Variants in IRS1 observed in about 807,000 individuals in gnomAD.
The protein encoded by IRS1 is insulin receptor substrate 1.
IRS1 carries 34 observed loss-of-function variants against 65.6 expected under a neutral mutation model. The observed-to-expected ratio is 0.52, with a 90% confidence interval of 0.39 to 0.69. IRS1 has a LOEUF of 0.69. IRS1 is among the 30% of genes least tolerant of loss of function. IRS1 has a pLI of 0.00. For missense variants in IRS1, 1,641 were observed against 1,720.2 expected (o/e 0.95, Z 0.81); for synonymous variants, 699 against 683.5 (o/e 1.02, Z -0.35).
chr2:226,767,188 T>C (rs1377432511), intron 1 of IRS1, among the ~76,000 whole-genome samples: 2 of 152,230 alleles, frequency 1.3e-5, no homozygotes, highest in Non-Finnish European at 2.9e-5. Flanking sequence ...AATGAACTAA[T>C]ACTCTACTTC....
chr2:226,732,458 G>A lies in IRS1; in HGVS notation c.*3814C>T, dbSNP rs1273251686. ...CTTCTTCCTCTCAAGTTTCTCACAA[G>A]CCTATACATCTATATATATATATAT... On this transcript the variant is annotated 3_prime_UTR_variant, in exon 2 of 2. Transcript: ENST00000305123. The A allele has an allele frequency of 2.1e-5, 3 of 141,028 alleles. No homozygotes were observed. The highest frequency in any genetic ancestry group is 4.5e-5 in the Non-Finnish European group (3 of 66,700). The allele number at this position is 141,028 out of a possible 1,614,324, so 8.7% of individuals were successfully genotyped here.
At position 226,795,044 on chromosome 2, in the gene IRS1, A is replaced by G. The variant is rs1939680357; in HGVS notation, c.3695T>C (p.Ile1232Thr). ...SSEDLSAYASISFQKQPEDRQ is the reference protein window; with the variant it reads ...SSEDLSAYASTSFQKQPEDRQ ...GTCCTCTGGCTGCTTCTGGAAACTG[A>G]TGCTGGCATAGGCGCTTAAATCCTC... Residue 1232 changes from isoleucine (I) to threonine (T), a missense_variant, in exon 1 of 2, where the codon ATC becomes ACC. By Grantham distance (89) the Ile-to-Thr change is moderately conservative. This residue lies in a region of IRS1 where 1,324 missense variants were observed against 1,361.0 expected (regional missense o/e 0.97). Transcript: ENST00000305123. The G allele has an allele frequency of 3.8e-6, 6 of 1,595,582 alleles. No homozygotes were observed. Among genetic ancestry groups the G allele is most frequent in the Non-Finnish European group, 5.1e-6 (6 of 1,173,558 alleles).
chr2:226,781,782 T>A (rs1939386307), intron 1 of IRS1, among the ~76,000 whole-genome samples: 1 of 151,918 alleles, frequency 6.6e-6, no homozygotes, highest in African/African-American at 2.4e-5. Context: ...CTGCAAAATA[T>A]TTTTAAAGAC....
chr2:226,778,374 C>T (rs1464140612), intron 1 of IRS1, among the ~76,000 whole-genome samples: 1 of 152,068 alleles, frequency 6.6e-6, no homozygotes, highest in African/African-American at 2.4e-5. Context: ...GAAAAAGCAA[C>T]CTTAAAATTG....
At chr2:226,771,010 C>A (rs928320272) in intron 1 of IRS1, among the ~76,000 whole-genome samples, 1 of 152,112 alleles carries the variant, frequency 6.6e-6, no homozygotes, top group African/African-American at 2.4e-5. Flanking sequence ...CAGAGTGAGA[C>A]CCTCTCTCTT....
At chr2:226,753,139 CTAAG>C (rs1377162806) in intron 1 of IRS1, among the ~76,000 whole-genome samples, 6 of 152,178 alleles carry the variant, frequency 3.9e-5, no homozygotes, top group Non-Finnish European at 7.3e-5. Flanking sequence ...GCAGTTTTAT[CTAAG>C]TGTTTGCAGA....
chr2:226,768,295 C>T (rs188676524), intron 1 of IRS1, among the ~76,000 whole-genome samples: 179 of 152,274 alleles, frequency 1.2e-3, no homozygotes, highest in African/African-American at 4.0e-3. Context: ...ATAATAAAAA[C>T]TCCACGAACA....
chr2:226,784,151 T>A (rs138727684), intron 1 of IRS1, among the ~76,000 whole-genome samples: 1 of 152,150 alleles, frequency 6.6e-6, no homozygotes. Context: ...AAATGATTGA[T>A]GTTTTAAAGC....
At chr2:226,780,615 G>T (rs1023908358) in intron 1 of IRS1, among the ~76,000 whole-genome samples, 4 of 152,022 alleles carry the variant, frequency 2.6e-5, no homozygotes, top group African/African-American at 7.2e-5. Context: ...AATAAATCTT[G>T]TCAAAACAAA....
At position 226,798,067 on chromosome 2, in the gene IRS1, C is replaced by T. The variant is rs756966931; in HGVS notation, c.672G>A (p.Glu224=). Residue 224 remains glutamate, a synonymous_variant, in exon 1 of 2, where the codon GAG becomes GAA. Transcript: ENST00000305123. This position sits in a 1 kb window ranked among gnomAD's most constrained non-coding sequence, Gnocchi z 9.4. The part of the protein sequence containing the change: ...CGHSENFFFI[E]VGRSAVTGPG... ...GCCCCGTCACGGCAGAACGGCCCAC[C>T]TCGATGAAGAAGAAGTTTTCCGAGT... 1.9e-6 allele frequency: 3 copies of T among 1,614,058 alleles called. No individual in the cohort carries two copies. The South Asian group carries it at 3.3e-5, about 18-fold the overall frequency.
At chr2:226,787,715 C>A (rs1356417445) in intron 1 of IRS1, among the ~76,000 whole-genome samples, 2 of 148,306 alleles carry the variant, frequency 1.3e-5, no homozygotes, top group Non-Finnish European at 3.1e-5. Context: ...AATTAAAGAT[C>A]TTCTGATCTT....
At chr2:226,746,879 T>A (rs1459970527) in intron 1 of IRS1, among the ~76,000 whole-genome samples, 1 of 147,492 alleles carries the variant, frequency 6.8e-6, no homozygotes, top group Non-Finnish European at 1.5e-5. Flanking sequence ...AACTTCTGCC[T>A]CCCAGGTTGG....
intron 1 of IRS1, among the ~76,000 whole-genome samples, chr2:226,775,228 A>T (rs1939246177): frequency 6.6e-6 from 1 of 152,260 alleles, no homozygotes; most frequent in African/African-American, 2.4e-5. Context: ...GTAACTCTGG[A>T]AATGAGGGGA....
chr2:226,763,135 G>A (rs1213368479), intron 1 of IRS1, among the ~76,000 whole-genome samples: 3 of 152,126 alleles, frequency 2.0e-5, no homozygotes, highest in Admixed American at 2.0e-4. Context: ...AGAAAGGGAA[G>A]ACTGTTGGTT....
chr2:226,765,871 C>A (rs1078533), intron 1 of IRS1, among the ~76,000 whole-genome samples: 11,558 of 151,504 alleles, frequency 0.076, 742 homozygotes, highest in African/African-American at 0.18. Flanking sequence ...AAATTTTACA[C>A]TAGGGAATAA....
At chr2:226,753,314 G>A (rs769062099) in intron 1 of IRS1, among the ~76,000 whole-genome samples, 1 of 152,020 alleles carries the variant, frequency 6.6e-6, no homozygotes, top group Non-Finnish European at 1.5e-5. Flanking sequence ...TTTAATCACC[G>A]ACTCATTATT....
At chr2:226,784,047 G>A (rs1035034912) in intron 1 of IRS1, among the ~76,000 whole-genome samples, 10 of 151,726 alleles carry the variant, frequency 6.6e-5, no homozygotes, top group African/African-American at 2.4e-4. Context: ...TCCTCCAACT[G>A]ACTGAACCAC....
rs1215890148 is a variant in IRS1, at chr2:226,798,264, C to T, written c.475G>A (p.Ala159Thr). The stretch of plus-strand genomic sequence containing the variant: ...ATCACTTGCCAGACCTCTTTGAATG[C>T]GGGTCCTGGGGGCACGTCACCGTAG... ...LSYGDVPPGP[A>T]FKEVWQVILK... is the part of the protein sequence containing the mutation. The change falls in exon 1 of 2, where the codon GCA (alanine) becomes ACA (threonine). Residue 159 changes from alanine to threonine, a missense_variant. This residue lies in a region of IRS1 where 240 missense variants were observed against 229.6 expected (regional missense o/e 1.05). Coordinates refer to ENST00000305123, the MANE Select transcript of IRS1 (RefSeq NM_005544.3). This position sits in a 1 kb window ranked among gnomAD's most constrained non-coding sequence, Gnocchi z 9.4. 8.7e-6 allele frequency: 14 copies of T among 1,613,248 alleles called. No individual in the cohort carries two copies. The highest frequency in any genetic ancestry group is 8.3e-5 in the Admixed American group (5 of 60,026).
chr2:226,797,581 G>A lies in IRS1; in HGVS notation c.1158C>T (p.Ala386=), dbSNP rs1053379316. 7 of 1,593,398 alleles carry A rather than the reference G, an allele frequency of 4.4e-6. No individual in the cohort carries two copies. Among genetic ancestry groups the A allele is most frequent in the Non-Finnish European group, 4.3e-6 (5 of 1,171,876 alleles). Residue 386 remains alanine, a synonymous_variant, in exon 1 of 2, where the codon GCC becomes GCT. Coordinates refer to ENST00000305123, the MANE Select transcript of IRS1 (RefSeq NM_005544.3). The surrounding 1 kb of genome is among the most constrained non-coding windows in gnomAD (Gnocchi z 8.1). ...PMPASRCSPS[A]TSPVSLSSSS... is the part of the protein sequence containing the mutation. ...TGGACGACAGACTGACCGGGCTGGT[G>A]GCCGAAGGCGAGCAGCGGGAAGCCG...
Sources: gnomAD v4.1 joint callset for allele counts (sites outside exome capture counted in the v4.1 genomes callset) on GRCh38, gnomAD v4.1.1 for gene constraint, gnomAD v4.1.1 regional missense constraint, Gnocchi (gnomAD v3.1) non-coding constraint, MANE v1.5 for transcripts, NCBI Gene and HGNC (gene_info 2026-07-23, HGNC 2026-07-21) for gene names.